NTM: variants seen among roughly 807,000 people sequenced by gnomAD.
NTM encodes IgLON family member 2.
Under a neutral mutation model 42.1 loss-of-function variants are expected in NTM, and 13 were observed. The observed-to-expected ratio is 0.31, with a 90% CI of 0.20 to 0.49. NTM has a LOEUF of 0.49. Among genes scored for constraint, NTM ranks in the 20% least tolerant of loss-of-function variants. The pLI is 0.99. For synonymous variants in NTM, 187 were observed against 179.2 expected, an observed-to-expected ratio of 1.04 and a Z score of -0.35; for missense variants, 373 against 452.8, an observed-to-expected ratio of 0.82 and a Z score of 1.60.
chr11:131,502,047 G>A (rs988815951), intron 1 of NTM, among the ~76,000 whole-genome samples: 4 of 152,150 alleles, frequency 2.6e-5, no homozygotes, highest in African/African-American at 9.7e-5. Context: ...GGAAACATCA[G>A]CCTGTAGATG....
intron 1 of NTM, among the ~76,000 whole-genome samples, chr11:131,865,106 G>A (rs369219771): frequency 6.6e-6 from 1 of 152,152 alleles, no homozygotes; most frequent in African/African-American, 2.4e-5. Flanking sequence ...TGTATCATGC[G>A]CTCTACCCTG....
chr11:132,171,923 T>A (rs551311107), intron 3 of NTM, among the ~76,000 whole-genome samples: 1 of 152,238 alleles, frequency 6.6e-6, no homozygotes, highest in Non-Finnish European at 1.5e-5. Flanking sequence ...AAATCTCCTA[T>A]GGTGGTCTCT....
chr11:131,469,584 C>G (rs1378019330), intron 1 of NTM, among the ~76,000 whole-genome samples: 1 of 152,160 alleles, frequency 6.6e-6, no homozygotes, highest in East Asian at 1.9e-4. Flanking sequence ...GCTGCCTATA[C>G]CTCTCTGGGA....
At chr11:131,995,226 C>G (rs527613115) in intron 2 of NTM, among the ~76,000 whole-genome samples, 1 of 152,282 alleles carries the variant, frequency 6.6e-6, no homozygotes, top group Non-Finnish European at 1.5e-5. Flanking sequence ...TACCTGTTTT[C>G]AATCTAGGCC....
At chr11:131,443,761 T>A (rs560737484) in intron 1 of NTM, among the ~76,000 whole-genome samples, 1 of 152,336 alleles carries the variant, frequency 6.6e-6, no homozygotes, top group African/African-American at 2.4e-5. Context: ...TCTTTATCTG[T>A]CCTTCTTGAA....
intron 1 of NTM, among the ~76,000 whole-genome samples, chr11:131,591,231 C>T (rs1185467396): frequency 6.6e-6 from 1 of 152,236 alleles, no homozygotes; most frequent in Non-Finnish European, 1.5e-5. Context: ...ACTCACTCAT[C>T]GCAGAACCAG....
intron 3 of NTM, among the ~76,000 whole-genome samples, chr11:132,149,311 C>T (rs1332957317): frequency 6.6e-6 from 1 of 151,254 alleles, no homozygotes; most frequent in African/African-American, 2.4e-5. Context: ...ATTCCCCTAG[C>T]AGAAGCTGAC....
chr11:131,921,334 C>A (rs568159303), intron 2 of NTM, among the ~76,000 whole-genome samples: 133 of 152,174 alleles, frequency 8.7e-4, no homozygotes, highest in African/African-American at 3.0e-3. Context: ...CAGAGAGTGA[C>A]AACAAAGGCA....
intron 2 of NTM, among the ~76,000 whole-genome samples, chr11:132,027,407 A>G (rs1263325520): frequency 1.3e-5 from 2 of 152,230 alleles, no homozygotes; most frequent in East Asian, 3.8e-4. Flanking sequence ...ACATATTTTA[A>G]CATTTATTGC....
chr11:131,736,882 TCACATTTG>T (rs2080525335), intron 1 of NTM, among the ~76,000 whole-genome samples: 1 of 152,174 alleles, frequency 6.6e-6, no homozygotes, highest in African/African-American at 2.4e-5. Context: ...TGTTGATCCA[TCACATTTG>T]CACATGTTAT....
intron 4 of NTM, among the ~76,000 whole-genome samples, chr11:132,221,073 G>C (rs1448652042): frequency 1.3e-5 from 2 of 152,148 alleles, no homozygotes; most frequent in Non-Finnish European, 1.5e-5. Flanking sequence ...TGCCAACCAA[G>C]CTGGGAGAAA....
At chr11:131,628,140 G>A (rs935946924) in intron 1 of NTM, among the ~76,000 whole-genome samples, 11 of 152,180 alleles carry the variant, frequency 7.2e-5, no homozygotes, top group Non-Finnish European at 1.0e-4. Flanking sequence ...AAGCCACTAA[G>A]GGAATTGACA....
intron 1 of NTM, among the ~76,000 whole-genome samples, chr11:131,483,371 T>C (rs1953818519): frequency 6.6e-6 from 1 of 152,170 alleles, no homozygotes; most frequent in Non-Finnish European, 1.5e-5. Context: ...ACATCAAGTC[T>C]CAAGAGTGGG....
At chr11:131,549,403 A>T (rs970296998) in intron 1 of NTM, among the ~76,000 whole-genome samples, 6 of 152,304 alleles carry the variant, frequency 3.9e-5, no homozygotes, top group South Asian at 4.1e-4. Context: ...AAATTTTTTT[A>T]AAAATTGTAA....
chr11:131,480,101 A>G (rs966938349), intron 1 of NTM, among the ~76,000 whole-genome samples: 1 of 150,378 alleles, frequency 6.6e-6, no homozygotes, highest in African/African-American at 2.4e-5. Context: ...TGAAAAAAAT[A>G]CTGCATTCAA....
intron 4 of NTM, among the ~76,000 whole-genome samples, chr11:132,294,697 C>A (rs920596538): frequency 2.0e-5 from 3 of 152,154 alleles, no homozygotes; most frequent in Non-Finnish European, 4.4e-5. Context: ...AGGAAAGTCA[C>A]AGGAGCATGT....
intron 1 of NTM, among the ~76,000 whole-genome samples, chr11:131,786,508 G>A (rs2089251287): frequency 6.6e-6 from 1 of 152,246 alleles, no homozygotes; most frequent in African/African-American, 2.4e-5. Flanking sequence ...GCTTAATTCA[G>A]CTTTATTTAA....
At chr11:131,515,368 TCGG>T (rs2048764690) in intron 1 of NTM, among the ~76,000 whole-genome samples, 1 of 152,180 alleles carries the variant, frequency 6.6e-6, no homozygotes, top group Non-Finnish European at 1.5e-5. Context: ...GAGAATGTTC[TCGG>T]AGCCCAGTCC....
chr11:131,656,268 C>CGG (rs2067175878), intron 1 of NTM, among the ~76,000 whole-genome samples: 1 of 152,230 alleles, frequency 6.6e-6, no homozygotes, highest in South Asian at 2.1e-4. Context: ...ATCCCAGTTA[C>CGG]GGGGGTGGCT....
Sources: allele counts gnomAD v4.1 joint callset (sites outside exome capture counted in the v4.1 genomes callset), GRCh38; gene constraint gnomAD v4.1.1; transcripts MANE v1.5; gene names NCBI Gene and HGNC (gene_info 2026-07-23, HGNC 2026-07-21).